Variants in ZNG1E observed in about 807,000 individuals in gnomAD.
The protein encoded by ZNG1E is Zn regulated GTPase metalloprotein activator 1E.
chr9:65,677,474 T>C, the ZNG1E span, among the ~76,000 whole-genome samples: 2 of 152,264 alleles, frequency 1.3e-5, no homozygotes, highest in African/African-American at 2.4e-5. Flanking sequence ...GTGTAATTTC[T>C]ATTTTGATGT....
the ZNG1E span, among the ~76,000 whole-genome samples, chr9:65,665,174 A>G: frequency 6.6e-6 from 1 of 152,284 alleles, no homozygotes; most frequent in Non-Finnish European, 1.5e-5. Flanking sequence ...TTAATCCCCA[A>G]GACAATGGGG....
the ZNG1E span, among the ~76,000 whole-genome samples, chr9:65,716,168 AT>A: frequency 4.0e-5 from 2 of 49,656 alleles, no homozygotes; most frequent in East Asian, 3.8e-4. Flanking sequence ...TTATTTATTT[AT>A]TTTTTTGAGA....
At chr9:65,658,269 A>C in the ZNG1E span, among the ~76,000 whole-genome samples, 5 of 149,304 alleles carry the variant, frequency 3.3e-5, no homozygotes, top group Non-Finnish European at 7.5e-5. Flanking sequence ...CTATTTCAGA[A>C]AGGGACATTC....
chr9:65,680,477 A>G, the ZNG1E span, among the ~76,000 whole-genome samples: 1 of 151,914 alleles, frequency 6.6e-6, no homozygotes, highest in African/African-American at 2.4e-5. Context: ...TTTATTTTTC[A>G]CAGCATTCTC....
At chr9:65,678,113 A>G in the ZNG1E span, among the ~76,000 whole-genome samples, 1 of 131,360 alleles carries the variant, frequency 7.6e-6, no homozygotes, top group East Asian at 2.1e-4. Context: ...TTTTTTTTTC[A>G]TAATATGGTT....
At chr9:65,719,294 C>G in the ZNG1E span, 1 of 140,940 alleles carries the variant, frequency 7.1e-6, no homozygotes, top group Non-Finnish European at 1.5e-5. Flanking sequence ...TCCAATAGTT[C>G]CTACAAGTTC....
At chr9:65,686,436 A>G in the ZNG1E span, among the ~76,000 whole-genome samples, 2 of 152,240 alleles carry the variant, frequency 1.3e-5, no homozygotes, top group Non-Finnish European at 2.9e-5. Flanking sequence ...GGAGTTCAAG[A>G]CCAGCCTGGC....
At chr9:65,668,253 T>G in the ZNG1E span, among the ~76,000 whole-genome samples, 2 of 151,634 alleles carry the variant, frequency 1.3e-5, no homozygotes. Context: ...CAGGAGGGAA[T>G]CTTGCTTCTC....
chr9:65,665,374 C>T, the ZNG1E span, among the ~76,000 whole-genome samples: 1 of 152,280 alleles, frequency 6.6e-6, no homozygotes, highest in African/African-American at 2.4e-5. Flanking sequence ...TCTGTTGCTT[C>T]AGAGGGTGCA....
chr9:65,728,725 A>G, the ZNG1E span, among the ~76,000 whole-genome samples: 1 of 148,596 alleles, frequency 6.7e-6, no homozygotes, highest in Non-Finnish European at 1.5e-5. Context: ...GGTAATTAAA[A>G]AATTACCAAC....
At chr9:65,668,512 C>CATAT in the ZNG1E span, among the ~76,000 whole-genome samples, 43 of 149,478 alleles carry the variant, frequency 2.9e-4, no homozygotes, top group Non-Finnish European at 5.1e-4. Context: ...CATACACACA[C>CATAT]ATATATATAT....
the ZNG1E span, among the ~76,000 whole-genome samples, chr9:65,710,624 C>G: frequency 6.6e-6 from 1 of 152,048 alleles, no homozygotes; most frequent in Non-Finnish European, 1.5e-5. Flanking sequence ...CCTTTCCCCA[C>G]TGCTTGTTTT....
At chr9:65,684,486 G>A in the ZNG1E span, among the ~76,000 whole-genome samples, 6 of 152,202 alleles carry the variant, frequency 3.9e-5, no homozygotes, top group South Asian at 2.1e-4. Flanking sequence ...GCGGTGAGCC[G>A]AGATCACGCC....
chr9:65,663,251 A>G, the ZNG1E span, among the ~76,000 whole-genome samples: 1 of 152,224 alleles, frequency 6.6e-6, no homozygotes, highest in Non-Finnish European at 1.5e-5. Context: ...TTAACTTTAA[A>G]GAATGTAGTG....
At chr9:65,675,701 C>T in the ZNG1E span, 1 of 713,334 alleles carries the variant, frequency 1.4e-6, no homozygotes, top group South Asian at 1.9e-5. Context: ...TTAGTGCGCC[C>T]TAAGGGCTCT....
chr9:65,684,540 A>ACACACG, the ZNG1E span, among the ~76,000 whole-genome samples: 131 of 141,764 alleles, frequency 9.2e-4, 1 homozygote, highest in South Asian at 1.4e-3. Flanking sequence ...GTATACACAC[A>ACACACG]CACACGCACG....
the ZNG1E span, chr9:65,733,153 CAA>C: frequency 1.9e-6 from 3 of 1,611,862 alleles, no homozygotes; most frequent in African/African-American, 4.0e-5. Flanking sequence ...AGTTTTAAAA[CAA>C]AGTGAAAAAT....
At chr9:65,703,520 C>T in the ZNG1E span, 2 of 935,778 alleles carry the variant, frequency 2.1e-6, no homozygotes, top group Middle Eastern at 5.5e-4. Context: ...AGATTAAATT[C>T]TGTTTTCCAT....
At chr9:65,703,957 C>T in the ZNG1E span, 1 of 764,828 alleles carries the variant, frequency 1.3e-6, no homozygotes, top group Non-Finnish European at 1.5e-6. Flanking sequence ...ACCAAATGTG[C>T]TCCCTGCATT....
Sources: gnomAD v4.1 joint callset for allele counts (sites outside exome capture counted in the v4.1 genomes callset) on GRCh38, gnomAD v4.1.1 for gene constraint, MANE v1.5 for transcripts, NCBI Gene and HGNC (gene_info 2026-07-23, HGNC 2026-07-21) for gene names.